Variants in FANCA observed in about 807,000 individuals in gnomAD.
FANCA encodes FA complementation group A.
Under a neutral mutation model 194.3 loss-of-function variants are expected in FANCA, and 236 were observed. The observed-to-expected ratio is 1.21, with a 90% confidence interval of 1.09 to 1.35. The LOEUF (loss-of-function observed/expected upper bound fraction) is 1.35, where lower values mean the gene tolerates loss of function less well. Ranked by LOEUF, FANCA falls within the 40% of genes most tolerant of loss-of-function variation. The pLI, the probability that FANCA is intolerant of heterozygous loss-of-function variation, is 0.00. For synonymous variants in FANCA, 1,014 were observed against 715.8 expected (o/e 1.42, Z -6.65); for missense variants, 2,628 against 1,813.9 (o/e 1.45, Z -8.15).
chr16:89,805,078 C>G (rs2040588460), intron 7 of FANCA, among the ~76,000 whole-genome samples: 1 of 152,066 alleles, frequency 6.6e-6, no homozygotes, highest in Non-Finnish European at 1.5e-5. Flanking sequence ...AAACTCATGT[C>G]AAGGCCGACT....
In FANCA at chr16:89,805,201, A is replaced by G. The variant is rs1006726958; in HGVS notation, c.709+79T>C. On this transcript the variant is annotated intron_variant, in intron 7 of 42. Transcript: ENST00000389301. ...GGAGAGACAGGCTGTTCTGCCTCGC[A>G]GAGCTCTTGAGAGCAGAAGGCATTA... The G allele has an allele frequency of 1.7e-5, 18 of 1,083,062 alleles. No individual in the cohort carries two copies. The Admixed American group carries it at 2.7e-4, about 16-fold the overall frequency. 67.1% of individuals were successfully genotyped at this position (1,083,062 alleles called of 1,614,324 possible).
chr16:89,814,951 A>C (rs1465819250), intron 2 of FANCA, among the ~76,000 whole-genome samples: 2 of 152,194 alleles, frequency 1.3e-5, no homozygotes, highest in Non-Finnish European at 2.9e-5. Context: ...AAAAAAAATA[A>C]ATGAAAATAA....
chr16:89,783,820 A>G (rs1028981867), intron 15 of FANCA, among the ~76,000 whole-genome samples: 4 of 151,788 alleles, frequency 2.6e-5, no homozygotes, highest in African/African-American at 7.2e-5. Context: ...CTGGAGTGCA[A>G]TGGTGCAGTC....
chr16:89,784,930 C>G lies in FANCA; in HGVS notation c.1394G>C (p.Cys465Ser), dbSNP rs2039847109. 1.2e-6 allele frequency: 2 copies of G among 1,614,124 alleles called. No individual in the cohort carries two copies. Among genetic ancestry groups the G allele is most frequent in the Admixed American group, 1.7e-5 (1 of 60,024 alleles). The part of the protein sequence containing the change: ...SFGSTRGYHG[C>S]SKKALVFLFT... ...CAGGAAGACCAGGGCCTTCTTGCTG[C>G]AGCCATGGTAGCCTCGTGTGCTCCC... Residue 465 changes from cysteine to serine, a missense_variant, in exon 15 of 43, where the codon TGC (cysteine) becomes TCC (serine). Coordinates refer to ENST00000389301, the MANE Select transcript of FANCA (RefSeq NM_000135.4).
chr16:89,788,601 A>G (rs1483375269), intron 14 of FANCA, among the ~76,000 whole-genome samples: 1 of 152,230 alleles, frequency 6.6e-6, no homozygotes, highest in East Asian at 1.9e-4. Flanking sequence ...ATCTGAGACC[A>G]GCCTGAGCAA....
chr16:89,814,063 GA>G (rs1367124260), intron 3 of FANCA, among the ~76,000 whole-genome samples: 1 of 152,156 alleles, frequency 6.6e-6, no homozygotes, highest in African/African-American at 2.4e-5. Context: ...TATTTTAACA[GA>G]AACAAGTCAT....
At chr16:89,749,600 G>A (rs1391572776) in intron 32 of FANCA, 130 bp downstream of exon 32, 5 of 1,174,086 alleles carry the variant, frequency 4.3e-6, no homozygotes, top group Middle Eastern at 2.4e-4. Flanking sequence ...GAAATGGACA[G>A]GCTTGGGGTG....
At chr16:89,755,283 T>A (rs1264940399) in intron 30 of FANCA, among the ~76,000 whole-genome samples, 19 of 151,828 alleles carry the variant, frequency 1.3e-4, no homozygotes, top group South Asian at 6.2e-4. Flanking sequence ...CAATCTGGGC[T>A]CATTGCAACC....
At chr16:89,786,934 C>T (rs373027728) in intron 14 of FANCA, among the ~76,000 whole-genome samples, 162 of 152,334 alleles carry the variant, frequency 1.1e-3, no homozygotes, top group African/African-American at 3.3e-3. Flanking sequence ...CACAACACAA[C>T]TGCTCCTGTC....
At chr16:89,779,414 GCTCT>G (rs1233074554) in intron 18 of FANCA, among the ~76,000 whole-genome samples, 1 of 152,026 alleles carries the variant, frequency 6.6e-6, no homozygotes, top group Non-Finnish European at 1.5e-5. Context: ...GTGCTATTCA[GCTCT>G]CTGTTACTGA....
Position 89,770,620 on chromosome 16 carries a change from C to A in FANCA, c.2166G>T (p.Leu722=). The A allele has an allele frequency of 6.2e-7, 1 of 1,610,892 alleles. No homozygotes were observed. Among genetic ancestry groups the A allele is most frequent in the Non-Finnish European group, 8.5e-7 (1 of 1,178,632 alleles). ...EPREHMAVDL[L]LTSFCQNLMA... is the part of the protein sequence containing the mutation. Reference sequence around the variant, plus strand: ...TCAGGTTCTGACAGAAAGACGTCAGCAGGAGGTCCACAGCCTGCAGAGACA... The same window carrying A: ...TCAGGTTCTGACAGAAAGACGTCAGAAGGAGGTCCACAGCCTGCAGAGACA... The change falls in exon 24 of 43, where the codon CTG becomes CTT. Residue 722 remains leucine (L), a synonymous_variant. Coordinates refer to ENST00000389301, the MANE Select transcript of FANCA (RefSeq NM_000135.4).
intron 11 of FANCA, among the ~76,000 whole-genome samples, chr16:89,794,658 C>G (rs1269923627): frequency 6.6e-6 from 1 of 152,192 alleles, no homozygotes; most frequent in Non-Finnish European, 1.5e-5. Flanking sequence ...CTCACAGCAC[C>G]TGTTGGGAGC....
chr16:89,787,943 G>C (rs1161025805), intron 14 of FANCA, among the ~76,000 whole-genome samples: 1 of 151,524 alleles, frequency 6.6e-6, no homozygotes, highest in South Asian at 2.1e-4. Flanking sequence ...GTCTGATCTT[G>C]GCTCACTGCA....
At chr16:89,800,905 T>C (rs1242272598) in intron 8 of FANCA, among the ~76,000 whole-genome samples, 4 of 150,444 alleles carry the variant, frequency 2.7e-5, no homozygotes, top group South Asian at 2.1e-4. Context: ...CGGTGGCGGG[T>C]GTCTATAGTC....
chr16:89,782,906 T>C lies in FANCA; in HGVS notation c.1579A>G (p.Asn527Asp). The change falls in exon 17 of 43, where the codon AAC (asparagine) becomes GAC (aspartate). Residue 527 changes from asparagine to aspartate, a missense_variant. By Grantham distance (23) the Asn-to-Asp change is conservative. Coordinates refer to ENST00000389301, the MANE Select transcript of FANCA (RefSeq NM_000135.4). ...GACAAATCCTCGTAGAGTCCCATGT[T>C]TTCTATAGAAACCTTCAGGGAAGAC... ...RLADLKVSIENMGLYEDLSSA... is the reference protein window; with the variant it reads ...RLADLKVSIEDMGLYEDLSSA... 6.2e-7 allele frequency: 1 copy of C among 1,614,126 alleles called. No homozygotes were observed. Among genetic ancestry groups the C allele is most frequent in the East Asian group, 2.2e-5 (1 of 44,884 alleles).
intron 38 of FANCA, chr16:89,740,370 T>C (rs985145063): frequency 1.9e-6 from 1 of 515,874 alleles, no homozygotes; most frequent in Non-Finnish European, 3.5e-6. Context: ...CCGGATGCAG[T>C]GGCTCATGCC....
chr16:89,751,761 A>G (rs1311827280), intron 31 of FANCA, among the ~76,000 whole-genome samples: 1 of 151,152 alleles, frequency 6.6e-6, no homozygotes, highest in Non-Finnish European at 1.5e-5. Context: ...CTGAGCCAAC[A>G]ATAAATATCT....
intron 11 of FANCA, among the ~76,000 whole-genome samples, chr16:89,794,727 T>G (rs998892585): frequency 5.3e-5 from 8 of 152,100 alleles, no homozygotes; most frequent in Admixed American, 3.3e-4. Flanking sequence ...CCTGGGGATA[T>G]GCTAGATACA....
At chr16:89,779,339 C>T (rs987451437) in intron 18 of FANCA, among the ~76,000 whole-genome samples, 1 of 152,178 alleles carries the variant, frequency 6.6e-6, no homozygotes, top group African/African-American at 2.4e-5. Flanking sequence ...CTGCAATCAG[C>T]TCATCCACAT....
Sources: gnomAD v4.1 joint callset for allele counts (sites outside exome capture counted in the v4.1 genomes callset) on GRCh38, gnomAD v4.1.1 for gene constraint, MANE v1.5 for transcripts, NCBI Gene and HGNC (gene_info 2026-07-23, HGNC 2026-07-21) for gene names.